Variants in CDK5RAP2 observed in about 807,000 individuals in gnomAD.
The protein encoded by CDK5RAP2 is CDK5 regulatory subunit-associated protein 2.
In CDK5RAP2, 147 loss-of-function variants were observed where a neutral mutation model predicts 232.9. That is an observed-to-expected ratio of 0.63 (90% CI 0.55 to 0.72). CDK5RAP2 has a LOEUF of 0.72. Among genes scored for constraint, CDK5RAP2 ranks in the 30% least tolerant of loss-of-function variants. The probability of loss-of-function intolerance (pLI) is 0.00; values close to 1 mark genes in which losing one functional copy is unlikely to be tolerated. For missense variants in CDK5RAP2, 2,195 were observed against 2,231.5 expected, an observed-to-expected ratio of 0.98 and a Z score of 0.33; for synonymous variants, 833 against 833.7, an observed-to-expected ratio of 1.00 and a Z score of 0.01.
chr9:120,565,896 T>C (rs1200076423), intron 3 of CDK5RAP2, among the ~76,000 whole-genome samples: 1 of 152,218 alleles, frequency 6.6e-6, no homozygotes, highest in Non-Finnish European at 1.5e-5. Flanking sequence ...CAGGGGGACT[T>C]ACCTGGTCTT....
At chr9:120,550,068 C>T (rs964442014) in intron 4 of CDK5RAP2, among the ~76,000 whole-genome samples, 7 of 152,162 alleles carry the variant, frequency 4.6e-5, no homozygotes, top group Non-Finnish European at 1.0e-4. Flanking sequence ...CTAGAAAAAG[C>T]CAAGAAACAG....
At chr9:120,493,077 C>T (rs1024513700) in intron 12 of CDK5RAP2, among the ~76,000 whole-genome samples, 9 of 152,186 alleles carry the variant, frequency 5.9e-5, no homozygotes, top group African/African-American at 2.2e-4. Flanking sequence ...GTATCACCTG[C>T]ATATATGCAA....
chr9:120,477,482 G>C (rs1483513065), intron 14 of CDK5RAP2, 32 bp from the exon 15 acceptor site: 1 of 1,501,832 alleles, frequency 6.7e-7, no homozygotes, highest in African/African-American at 1.4e-5. Flanking sequence ...TGACATTAAG[G>C]AAAGAATTTT....
chr9:120,408,184 C>T, intron 31 of CDK5RAP2, 163 bp downstream of exon 31: 8 of 832,794 alleles, frequency 9.6e-6, no homozygotes, highest in South Asian at 9.5e-5. Context: ...GCTGTTCCTT[C>T]AGAAGAAGAG....
intron 17 of CDK5RAP2, among the ~76,000 whole-genome samples, chr9:120,469,269 T>G (rs1272639287): frequency 6.6e-6 from 1 of 152,114 alleles, no homozygotes; most frequent in Non-Finnish European, 1.5e-5. Flanking sequence ...CCACTTCAAG[T>G]CTCACTTCTG....
chr9:120,485,212 A>T (rs1434111498), intron 14 of CDK5RAP2, among the ~76,000 whole-genome samples: 1 of 152,222 alleles, frequency 6.6e-6, no homozygotes, highest in Admixed American at 6.5e-5. Flanking sequence ...AACTAAAAAC[A>T]AAATGATAAA....
chr9:120,477,576 C>T (rs1007855102), intron 14 of CDK5RAP2, 126 bp from the exon 15 acceptor site: 2 of 773,776 alleles, frequency 2.6e-6, no homozygotes, highest in African/African-American at 3.4e-5. Context: ...AGGCCCTGTG[C>T]CTGGCTCTGG....
chr9:120,512,429 A>G (rs2040137864), intron 12 of CDK5RAP2, among the ~76,000 whole-genome samples: 1 of 152,186 alleles, frequency 6.6e-6, no homozygotes, highest in Non-Finnish European at 1.5e-5. Flanking sequence ...TAAAGCCTTT[A>G]TTTTTAATTT....
In CDK5RAP2 at chr9:120,402,917, C is replaced by T. The variant is rs769671206; in HGVS notation, c.5196G>A (p.Glu1732=). 1.9e-6 allele frequency: 3 copies of T among 1,614,124 alleles called. No homozygotes were observed. The highest frequency in any genetic ancestry group is 2.5e-6 in the Non-Finnish European group (3 of 1,180,020). The change falls in exon 34 of 38, where the codon GAG becomes GAA. Residue 1732 remains glutamate (E), a synonymous_variant. Coordinates refer to ENST00000349780, the MANE Select transcript of CDK5RAP2 (RefSeq NM_018249.6). ...KNGRHVLGLI[E]DYEALLKQIS... is the part of the protein sequence containing the mutation. ...TCTGTTTGAGCAGGGCCTCATAGTC[C>T]TCAATCAGGCCCAGGACATGGCGGC...
At chr9:120,547,030 AGTCTG>A (rs1564364863) in intron 4 of CDK5RAP2, among the ~76,000 whole-genome samples, 9 of 151,460 alleles carry the variant, frequency 5.9e-5, no homozygotes, top group African/African-American at 9.7e-5. Flanking sequence ...CTTGTCACCC[AGTCTG>A]GAGTGCAGTG....
intron 14 of CDK5RAP2, among the ~76,000 whole-genome samples, chr9:120,483,218 G>A (rs578101129): frequency 5.9e-5 from 9 of 152,176 alleles, no homozygotes; most frequent in Admixed American, 2.6e-4. Context: ...TGACCACCCC[G>A]CTCACCGCAT....
intron 25 of CDK5RAP2, among the ~76,000 whole-genome samples, chr9:120,424,544 TG>T (rs781405927): frequency 2.0e-5 from 3 of 152,166 alleles, no homozygotes; most frequent in Non-Finnish European, 4.4e-5. Context: ...ATACCTGCAC[TG>T]GGCTGCTTAC....
At chr9:120,430,565 C>T (rs1441537738) in intron 25 of CDK5RAP2, among the ~76,000 whole-genome samples, 3 of 152,060 alleles carry the variant, frequency 2.0e-5, no homozygotes, top group Non-Finnish European at 4.4e-5. Flanking sequence ...CAATGAGATA[C>T]CATCTCACAC....
chr9:120,406,714 G>A (rs2033467712), intron 32 of CDK5RAP2: 1 of 409,234 alleles, frequency 2.4e-6, no homozygotes, highest in East Asian at 3.9e-5. Context: ...CAGCATCAAA[G>A]TGATGCAGGC....
At chr9:120,460,730 T>C in intron 18 of CDK5RAP2, 63 bp from the exon 19 acceptor site, 2 of 1,609,490 alleles carry the variant, frequency 1.2e-6, no homozygotes, top group Non-Finnish European at 1.7e-6. Context: ...TGAATATGTA[T>C]GAATAAGTCA....
At chr9:120,421,759 C>G (rs1293175120) in intron 26 of CDK5RAP2, among the ~76,000 whole-genome samples, 1 of 152,208 alleles carries the variant, frequency 6.6e-6, no homozygotes, top group East Asian at 1.9e-4. Context: ...ATGCCAGCAA[C>G]TTGGAGCTGG....
At chr9:120,536,876 C>T (rs748462751) in intron 6 of CDK5RAP2, among the ~76,000 whole-genome samples, 1 of 151,288 alleles carries the variant, frequency 6.6e-6, no homozygotes, top group Non-Finnish European at 1.5e-5. Context: ...CCATAATTTC[C>T]ATACAAATTC....
chr9:120,563,408 C>A (rs1158100506), intron 3 of CDK5RAP2, among the ~76,000 whole-genome samples: 1 of 152,186 alleles, frequency 6.6e-6, no homozygotes, highest in African/African-American at 2.4e-5. Flanking sequence ...AAAGAAACAT[C>A]ACAGAAGGAT....
chr9:120,401,596 G>A (rs1191860432), intron 34 of CDK5RAP2, among the ~76,000 whole-genome samples: 1 of 111,426 alleles, frequency 9.0e-6, no homozygotes, highest in African/African-American at 3.6e-5. Context: ...GGACAACATG[G>A]CCAGACCCTG....
Sources: gnomAD v4.1 joint callset for allele counts (sites outside exome capture counted in the v4.1 genomes callset) on GRCh38, gnomAD v4.1.1 for gene constraint, MANE v1.5 for transcripts, NCBI Gene and HGNC (gene_info 2026-07-23, HGNC 2026-07-21) for gene names.